Variants in LAMA3 observed in about 807,000 individuals in gnomAD.
LAMA3 encodes laminin subunit alpha 3, also known as laminin subunit alpha-3.
LAMA3 carries 281 observed loss-of-function variants against 402.0 expected under a neutral mutation model. The ratio of observed to expected loss-of-function variants is 0.70; its 90% confidence interval spans 0.63 to 0.77. LAMA3 has a LOEUF of 0.77. LAMA3 is among the 30% of genes least tolerant of loss of function. The pLI is 0.00. For missense variants in LAMA3, 3,840 were observed against 4,215.5 expected, an observed-to-expected ratio of 0.91 and a Z score of 2.47; for synonymous variants, 1,431 against 1,558.4, an observed-to-expected ratio of 0.92 and a Z score of 1.93.
chr18:23,691,621 G>T (rs2060589645), intron 1 of LAMA3, among the ~76,000 whole-genome samples: 2 of 152,060 alleles, frequency 1.3e-5, no homozygotes, highest in South Asian at 4.2e-4. Flanking sequence ...ACCCAGGCTG[G>T]AGTGCAGTGG....
At chr18:23,859,825 C>T (rs935648036) in intron 34 of LAMA3, among the ~76,000 whole-genome samples, 3 of 152,012 alleles carry the variant, frequency 2.0e-5, no homozygotes, top group Non-Finnish European at 2.9e-5. Context: ...ATCTCTAGTC[C>T]CTCTCCCTTC....
In LAMA3 at chr18:23,689,463, C is replaced by A. The variant is rs929819109; in HGVS notation, c.-221C>A. On this transcript the variant is annotated 5_prime_UTR_variant, in exon 1 of 75. Transcript: ENST00000313654. ...CGGCTGAGCGCTGTCAGTTCCTGATCCGGCTGGTGCCCGCTCCAGCCGCGG... is the reference window on the plus strand; with the variant it reads ...CGGCTGAGCGCTGTCAGTTCCTGATACGGCTGGTGCCCGCTCCAGCCGCGG... 8.0e-6 allele frequency: 3 copies of A among 376,238 alleles called. No homozygotes were observed. The highest frequency in any genetic ancestry group is 1.4e-5 in the Non-Finnish European group (3 of 215,874). The allele number at this position is 376,238 out of a possible 1,614,324, so 23.3% of individuals were successfully genotyped here.
At chr18:23,750,741 G>T (rs917729506) in intron 4 of LAMA3, among the ~76,000 whole-genome samples, 177 bp from the exon 5 acceptor site, 1 of 152,048 alleles carries the variant, frequency 6.6e-6, no homozygotes, top group Non-Finnish European at 1.5e-5. Flanking sequence ...AAGTGTGAGG[G>T]AAGATGGGAC....
intron 7 of LAMA3, among the ~76,000 whole-genome samples, chr18:23,759,660 G>A (rs2061929169): frequency 6.6e-6 from 1 of 152,180 alleles, no homozygotes. Flanking sequence ...ACCCACCTTG[G>A]CCTCCCAAAG....
intron 7 of LAMA3, among the ~76,000 whole-genome samples, 194 bp from the exon 8 acceptor site, chr18:23,763,211 A>C (rs1031142736): frequency 1.3e-5 from 2 of 152,184 alleles, no homozygotes; most frequent in African/African-American, 4.8e-5. Context: ...ATATCAAATG[A>C]AAGGAGCTCT....
rs1434811114 is a variant in LAMA3, at chr18:23,689,644, C to G, written c.-40C>G. 2.4e-6 allele frequency: 3 copies of G among 1,259,210 alleles called. No homozygotes were observed. In the African/African-American group the frequency reaches 4.7e-5, roughly 20 times the overall value. 78.0% of individuals were successfully genotyped at this position (1,259,210 alleles called of 1,614,324 possible). On this transcript the variant is annotated 5_prime_UTR_variant, in exon 1 of 75. Transcript: ENST00000313654. ...GGAGAGCGGCGGTGCCCCCGAGCCCCTCTGCGGACGGCTCAGGCGGGAGGA... is the reference window on the plus strand; with the variant it reads ...GGAGAGCGGCGGTGCCCCCGAGCCCGTCTGCGGACGGCTCAGGCGGGAGGA...
intron 42 of LAMA3, among the ~76,000 whole-genome samples, chr18:23,894,094 G>A (rs1008483398): frequency 1.3e-5 from 2 of 152,116 alleles, no homozygotes; most frequent in African/African-American, 2.4e-5. Flanking sequence ...GGAAGAGCTA[G>A]CGATGCTGGG....
chr18:23,834,147 T>C (rs1242289507), intron 24 of LAMA3, 159 bp downstream of exon 24: 5 of 766,728 alleles, frequency 6.5e-6, no homozygotes, highest in Non-Finnish European at 1.1e-5. Context: ...TCATCACCAG[T>C]GTGGGTATTG....
intron 28 of LAMA3, 31 bp from the exon 29 acceptor site, chr18:23,842,580 A>G: frequency 1.9e-6 from 3 of 1,614,212 alleles, no homozygotes; most frequent in Non-Finnish European, 8.5e-7. Context: ...AGTCCGGTGC[A>G]TGACAGAAAG....
chr18:23,946,609 G>T (rs2082723315), intron 70 of LAMA3: 1 of 292,904 alleles, frequency 3.4e-6, no homozygotes, highest in East Asian at 7.4e-5. Context: ...AGATTTTTTG[G>T]TTAACATAAT....
intron 42 of LAMA3, 30 bp from the exon 43 acceptor site, chr18:23,894,268 A>G (rs759316361): frequency 3.8e-6 from 6 of 1,570,590 alleles, no homozygotes; most frequent in South Asian, 1.1e-5. Context: ...TTTAATAACT[A>G]TGTCTTCTTT....
intron 32 of LAMA3, among the ~76,000 whole-genome samples, chr18:23,855,197 C>T (rs57759948): frequency 3.3e-5 from 5 of 152,110 alleles, no homozygotes; most frequent in South Asian, 2.1e-4. Context: ...CCAGAAGCCC[C>T]GCATGTTTGC....
At chr18:23,922,526 T>C (rs774675801) in intron 62 of LAMA3, among the ~76,000 whole-genome samples, 16 of 152,314 alleles carry the variant, frequency 1.1e-4, no homozygotes, top group Non-Finnish European at 2.1e-4. Context: ...AAAATGCAAA[T>C]GGGAAAGCTG....
chr18:23,815,096 C>T (rs1389948121), intron 15 of LAMA3, 92 bp from the exon 16 acceptor site: 5 of 1,154,398 alleles, frequency 4.3e-6, no homozygotes, highest in Non-Finnish European at 6.5e-6. Context: ...AGGCCAACTG[C>T]ACACGTTGTG....
At chr18:23,874,931 G>A (rs775856167) in intron 38 of LAMA3, among the ~76,000 whole-genome samples, 15 of 152,082 alleles carry the variant, frequency 9.9e-5, no homozygotes, top group Admixed American at 6.6e-4. Context: ...TGGCGCAGTC[G>A]TGGCTCACTG....
At chr18:23,773,954 C>T (rs2062259170) in intron 9 of LAMA3, among the ~76,000 whole-genome samples, 1 of 152,166 alleles carries the variant, frequency 6.6e-6, no homozygotes, top group Non-Finnish European at 1.5e-5. Flanking sequence ...GAGGCAGTGG[C>T]TCAGGCCTGT....
intron 14 of LAMA3, 127 bp from the exon 15 acceptor site, chr18:23,814,276 C>A: frequency 1.4e-6 from 1 of 728,688 alleles, no homozygotes; most frequent in Non-Finnish European, 2.5e-6. Context: ...TATTTTTTCC[C>A]CCTGGATACA....
At chr18:23,742,115 C>T (rs1238621929) in intron 2 of LAMA3, among the ~76,000 whole-genome samples, 1 of 152,200 alleles carries the variant, frequency 6.6e-6, no homozygotes, top group Non-Finnish European at 1.5e-5. Flanking sequence ...GAGTGAAACT[C>T]TGACTCAAAA....
intron 27 of LAMA3, 120 bp downstream of exon 27, chr18:23,840,049 T>C: frequency 9.2e-7 from 1 of 1,081,468 alleles, no homozygotes; most frequent in South Asian, 1.3e-5. Flanking sequence ...ACCTACTGAG[T>C]TGGAAGCTCT....
Sources: gnomAD v4.1 joint callset for allele counts (sites outside exome capture counted in the v4.1 genomes callset) on GRCh38, gnomAD v4.1.1 for gene constraint, MANE v1.5 for transcripts, NCBI Gene and HGNC (gene_info 2026-07-23, HGNC 2026-07-21) for gene names.